EPHA7: variants seen among roughly 807,000 people sequenced by gnomAD.
The protein encoded by EPHA7 is EPH receptor A7.
Under a neutral mutation model 112.6 loss-of-function variants are expected in EPHA7, and 25 were observed. That is an observed-to-expected ratio of 0.22 (90% CI 0.16 to 0.31). EPHA7 has a LOEUF of 0.31. Among genes scored for constraint, EPHA7 ranks in the 10% least tolerant of loss-of-function variants. The probability of loss-of-function intolerance (pLI) is 1.00; values close to 1 mark genes in which losing one functional copy is unlikely to be tolerated. For synonymous variants in EPHA7, 437 were observed against 406.5 expected (o/e 1.07, Z -0.90); for missense variants, 962 against 1,212.6 (o/e 0.79, Z 3.07).
chr6:93,371,135 G>A (rs993736909), intron 3 of EPHA7, among the ~76,000 whole-genome samples: 1 of 151,302 alleles, frequency 6.6e-6, no homozygotes, highest in African/African-American at 2.4e-5. Context: ...CTGCACTCCA[G>A]CCTGGGCGAC....
chr6:93,348,654 A>G (rs1033922371), intron 5 of EPHA7, among the ~76,000 whole-genome samples: 1 of 151,880 alleles, frequency 6.6e-6, no homozygotes, highest in African/African-American at 2.4e-5. Flanking sequence ...AAATTGCAAA[A>G]TGACTATACT....
chr6:93,340,688 G>A (rs935580051), intron 5 of EPHA7, among the ~76,000 whole-genome samples: 3 of 151,860 alleles, frequency 2.0e-5, no homozygotes, highest in African/African-American at 7.2e-5. Context: ...AAAAATTGAA[G>A]ATTTATTTCT....
At chr6:93,417,646 A>T (rs1268968688) in intron 1 of EPHA7, among the ~76,000 whole-genome samples, 2 of 151,986 alleles carry the variant, frequency 1.3e-5, no homozygotes, top group Non-Finnish European at 2.9e-5. Context: ...CGGCGGTGCA[A>T]ACTTTTCCTC....
chr6:93,329,095 T>A (rs969866916), intron 5 of EPHA7, among the ~76,000 whole-genome samples: 2 of 151,404 alleles, frequency 1.3e-5, no homozygotes, highest in Admixed American at 6.6e-5. Context: ...TGATGTAGGG[T>A]ATTTTTTTCA....
rs370575852 is a variant in EPHA7, at chr6:93,373,850, TA to T, written c.833-15440del. Reference sequence around the variant, plus strand: ...ATATTGTTACATGTTTTACAAAAGGTAAAAAAAAAATCACTTCAAAGCTCAT... The same window carrying T: ...ATATTGTTACATGTTTTACAAAAGGTAAAAAAAAATCACTTCAAAGCTCAT... On this transcript the variant is annotated intron_variant, in intron 3 of 16. Transcript: ENST00000369303. Among the ~76,000 whole-genome samples the T allele has an allele frequency of 7.7e-3, 1,145 of 148,384 alleles. 11 individuals are homozygous for T. The highest frequency in any genetic ancestry group is 0.026 in the African/African-American group (1,070 of 40,574).
intron 1 of EPHA7, among the ~76,000 whole-genome samples, chr6:93,415,739 A>T (rs1461627196): frequency 6.6e-6 from 1 of 152,146 alleles, no homozygotes; most frequent in East Asian, 1.9e-4. Flanking sequence ...TTTGTCCAGA[A>T]ATAATAGTGA....
At chr6:93,391,136 T>C (rs1013598012) in intron 3 of EPHA7, among the ~76,000 whole-genome samples, 3 of 152,098 alleles carry the variant, frequency 2.0e-5, no homozygotes, top group Admixed American at 1.3e-4. Flanking sequence ...ATAATCCCTG[T>C]AGCCTTGTTA....
chr6:93,346,884 T>G (rs1431389502), intron 5 of EPHA7, among the ~76,000 whole-genome samples: 1 of 151,854 alleles, frequency 6.6e-6, no homozygotes, highest in Non-Finnish European at 1.5e-5. Flanking sequence ...AAGTGGCTAT[T>G]TATTTGCAAA....
At chr6:93,269,242 T>C (rs1771091824) in intron 7 of EPHA7, among the ~76,000 whole-genome samples, 1 of 151,750 alleles carries the variant, frequency 6.6e-6, no homozygotes, top group East Asian at 1.9e-4. Context: ...TTTCAAAAAA[T>C]AAATCTTGTA....
chr6:93,341,487 A>G (rs1459038366), intron 5 of EPHA7, among the ~76,000 whole-genome samples: 1 of 151,870 alleles, frequency 6.6e-6, no homozygotes, highest in East Asian at 1.9e-4. Flanking sequence ...GAAAATCAAA[A>G]GATAGGAAAG....
Position 93,272,320 on chromosome 6 carries a change from T to C in EPHA7, c.1427A>G (p.Tyr476Cys), listed in dbSNP as rs1459766148. The C allele has an allele frequency of 6.2e-7, 1 of 1,612,034 alleles. No individual in the cohort carries two copies. Among genetic ancestry groups the C allele is most frequent in the Admixed American group, 1.7e-5 (1 of 59,912 alleles). ...TACTTTCTCGTAATACTTGATTTCA[T>C]ATTCTGTGATGACTCCATTGGGATG... ...PEHPNGVITE[Y>C]EIKYYEKDQR... Residue 476 changes from tyrosine to cysteine, a missense_variant, in exon 6 of 17, where the codon TAT (tyrosine) becomes TGT (cysteine). Coordinates refer to ENST00000369303, the MANE Select transcript of EPHA7 (RefSeq NM_004440.4).
chr6:93,379,752 T>A (rs932090313), intron 3 of EPHA7, among the ~76,000 whole-genome samples: 6 of 152,004 alleles, frequency 3.9e-5, no homozygotes, highest in Admixed American at 1.3e-4. Flanking sequence ...GAAATTATAG[T>A]GATGAGTCCA....
intron 5 of EPHA7, among the ~76,000 whole-genome samples, chr6:93,273,814 G>T (rs1284033965): frequency 6.6e-6 from 1 of 151,938 alleles, no homozygotes; most frequent in Admixed American, 6.6e-5. Flanking sequence ...TCTCTAAAGT[G>T]ACACATCTCT....
chr6:93,305,806 G>A (rs1773226674), intron 5 of EPHA7, among the ~76,000 whole-genome samples: 1 of 151,542 alleles, frequency 6.6e-6, no homozygotes, highest in Non-Finnish European at 1.5e-5. Context: ...TCTGTCAGAA[G>A]AAAATAAAAA....
At chr6:93,278,579 T>C (rs1475382447) in intron 5 of EPHA7, among the ~76,000 whole-genome samples, 1 of 152,090 alleles carries the variant, frequency 6.6e-6, no homozygotes. Flanking sequence ...CAAGTATTTG[T>C]TTGGCATTTA....
chr6:93,277,915 A>T (rs1226473354), intron 5 of EPHA7, among the ~76,000 whole-genome samples: 4 of 151,974 alleles, frequency 2.6e-5, no homozygotes, highest in Non-Finnish European at 5.9e-5. Context: ...TAGTGGCCCC[A>T]GTCAGGTATA....
intron 5 of EPHA7, among the ~76,000 whole-genome samples, chr6:93,284,051 C>T (rs756845493): frequency 2.0e-5 from 3 of 152,090 alleles, no homozygotes; most frequent in Non-Finnish European, 2.9e-5. Context: ...CCATATTATA[C>T]CATTAATTTA....
At chr6:93,299,647 G>A (rs1447573235) in intron 5 of EPHA7, among the ~76,000 whole-genome samples, 1 of 152,144 alleles carries the variant, frequency 6.6e-6, no homozygotes, top group East Asian at 1.9e-4. Context: ...GTACCCAGAG[G>A]AATATAAATC....
intron 16 of EPHA7, among the ~76,000 whole-genome samples, chr6:93,244,265 A>AGGG (rs536323536): frequency 3.3e-4 from 50 of 152,254 alleles, no homozygotes; most frequent in South Asian, 6.2e-4. Context: ...ATGGGTTTTC[A>AGGG]GGGGTACAGA....
Sources: gnomAD v4.1 joint callset for allele counts (sites outside exome capture counted in the v4.1 genomes callset) on GRCh38, gnomAD v4.1.1 for gene constraint, MANE v1.5 for transcripts, NCBI Gene and HGNC (gene_info 2026-07-23, HGNC 2026-07-21) for gene names.